FGD4: variants seen among roughly 807,000 people sequenced by gnomAD.
FGD4 encodes FYVE, RhoGEF and PH domain-containing protein 4.
FGD4 carries 42 observed loss-of-function variants against 102.0 expected under a neutral mutation model. The ratio of observed to expected loss-of-function variants is 0.41; its 90% CI spans 0.32 to 0.53. The LOEUF is 0.53. Among genes scored for constraint, FGD4 ranks in the 20% least tolerant of loss-of-function variants. The probability of loss-of-function intolerance (pLI) is 0.21; values close to 1 mark genes in which losing one functional copy is unlikely to be tolerated. For synonymous variants in FGD4, 380 were observed against 375.7 expected (o/e 1.01, Z -0.13); for missense variants, 902 against 1,078.2 (o/e 0.84, Z 2.29).
intron 1 of FGD4, among the ~76,000 whole-genome samples, chr12:32,503,850 T>A (rs1007786869): frequency 2.0e-5 from 3 of 152,180 alleles, no homozygotes; most frequent in African/African-American, 7.2e-5. Flanking sequence ...TATGATTATG[T>A]GTTCATGTTG....
chr12:32,624,052 T>C (rs1950002418), intron 11 of FGD4, among the ~76,000 whole-genome samples: 1 of 152,222 alleles, frequency 6.6e-6, no homozygotes, highest in Admixed American at 6.5e-5. Flanking sequence ...GGGCTGTGAA[T>C]AGTAGCCTTT....
chr12:32,461,644 A>G (rs1943106379), intron 1 of FGD4, among the ~76,000 whole-genome samples: 1 of 152,196 alleles, frequency 6.6e-6, no homozygotes, highest in Admixed American at 6.5e-5. Flanking sequence ...TTTTAAAAAT[A>G]TAAGTCTCTG....
intron 1 of FGD4, among the ~76,000 whole-genome samples, chr12:32,497,307 T>TA (rs55844410): frequency 0.18 from 28,108 of 152,166 alleles, 3,203 homozygotes; most frequent in Middle Eastern, 0.35. Context: ...ATCTTCCTTA[T>TA]AAAGTACTCT....
At chr12:32,565,230 T>C (rs1945089205) in intron 2 of FGD4, among the ~76,000 whole-genome samples, 1 of 152,216 alleles carries the variant, frequency 6.6e-6, no homozygotes, top group South Asian at 2.1e-4. Flanking sequence ...AAGAAAATTT[T>C]AGAACGAGTT....
intron 1 of FGD4, among the ~76,000 whole-genome samples, chr12:32,453,677 G>A (rs974332538): frequency 6.6e-6 from 1 of 152,032 alleles, no homozygotes; most frequent in African/African-American, 2.4e-5. Flanking sequence ...CCTAACTTGG[G>A]CTCATTGTTT....
At chr12:32,403,679 C>T (rs1300836334) in intron 1 of FGD4, among the ~76,000 whole-genome samples, 3 of 144,640 alleles carry the variant, frequency 2.1e-5, no homozygotes, top group Non-Finnish European at 3.0e-5. Flanking sequence ...TCACTGCAAC[C>T]TCCGCCATCT....
intron 1 of FGD4, among the ~76,000 whole-genome samples, chr12:32,484,410 A>G (rs1173593777): frequency 6.6e-6 from 1 of 152,198 alleles, no homozygotes; most frequent in Non-Finnish European, 1.5e-5. Context: ...TAATTTTAAG[A>G]AGTGATGTTA....
intron 1 of FGD4, among the ~76,000 whole-genome samples, chr12:32,550,368 T>C (rs1943551918): frequency 6.6e-6 from 1 of 152,084 alleles, no homozygotes; most frequent in Non-Finnish European, 1.5e-5. Flanking sequence ...AATCATACAC[T>C]GAGTTTTTAA....
At chr12:32,565,293 T>C (rs558473228) in intron 2 of FGD4, among the ~76,000 whole-genome samples, 2 of 152,324 alleles carry the variant, frequency 1.3e-5, no homozygotes, top group South Asian at 2.1e-4. Context: ...ACTACAATTA[T>C]ATTTGTGGTG....
At chr12:32,570,018 G>A (rs562661505) in intron 2 of FGD4, among the ~76,000 whole-genome samples, 3 of 152,088 alleles carry the variant, frequency 2.0e-5, no homozygotes, top group South Asian at 2.1e-4. Flanking sequence ...CGAGGTGGGC[G>A]GATCACGAGG....
intron 16 of FGD4, 100 bp downstream of exon 16, chr12:32,638,895 G>GT (rs1951003431): frequency 7.0e-6 from 11 of 1,569,320 alleles, no homozygotes; most frequent in African/African-American, 1.4e-5. Flanking sequence ...AGTTCAGGCA[G>GT]TTTCACTGTT....
chr12:32,487,628 T>C (rs1257757721), intron 1 of FGD4, among the ~76,000 whole-genome samples: 1 of 152,198 alleles, frequency 6.6e-6, no homozygotes, highest in East Asian at 1.9e-4. Flanking sequence ...GGTTTTGCCA[T>C]GTTGGCCAGG....
intron 1 of FGD4, among the ~76,000 whole-genome samples, chr12:32,467,024 T>G (rs533106736): frequency 6.6e-6 from 1 of 152,238 alleles, no homozygotes; most frequent in African/African-American, 2.4e-5. Flanking sequence ...GCACATATAT[T>G]TTATTAGGTA....
In FGD4 at chr12:32,602,231, G is replaced by A. The variant is rs1026588328; in HGVS notation, c.1318G>A (p.Val440Met). The A allele has an allele frequency of 1.2e-6, 2 of 1,614,002 alleles. No homozygotes were observed. The highest frequency in any genetic ancestry group is 2.7e-5 in the African/African-American group (2 of 74,934). ...ATTCCTTAAGATGTATGGAGAATAT[G>A]TGAAAGGATTTGATAATGCAATGGA... ...APFLKMYGEY[V>M]KGFDNAMELV... is the part of the protein sequence containing the mutation. Residue 440 changes from valine (V) to methionine (M), a missense_variant, in exon 7 of 17, where the codon GTG becomes ATG. Around this residue, in one of 2 missense-constraint regions of FGD4, gnomAD observed 459 missense variants for 619.0 expected, o/e 0.74. Coordinates refer to ENST00000534526, the MANE Select transcript of FGD4 (RefSeq NM_001370298.3).
chr12:32,564,403 T>G, intron 2 of FGD4, 114 bp downstream of exon 2: 18 of 1,215,826 alleles, frequency 1.5e-5, no homozygotes, highest in East Asian at 2.6e-5. Context: ...AGGAATTGGG[T>G]ACATTATTTT....
chr12:32,590,041 C>G (rs1199680449), intron 4 of FGD4, among the ~76,000 whole-genome samples: 1 of 152,096 alleles, frequency 6.6e-6, no homozygotes, highest in Non-Finnish European at 1.5e-5. Flanking sequence ...GGCGCGGTGG[C>G]TTATGCCTGA....
intron 1 of FGD4, among the ~76,000 whole-genome samples, chr12:32,432,274 A>T (rs569960215): frequency 8.0e-5 from 12 of 150,562 alleles, no homozygotes; most frequent in African/African-American, 2.9e-4. Flanking sequence ...GTTAGCCAGG[A>T]TGGTCTTGAT....
At chr12:32,428,654 A>AGT (rs1212351808) in intron 1 of FGD4, among the ~76,000 whole-genome samples, 2 of 152,102 alleles carry the variant, frequency 1.3e-5, no homozygotes, top group East Asian at 3.9e-4. Context: ...TATCCTGAAG[A>AGT]GTGTTTTTCA....
In FGD4 at chr12:32,598,425, G is replaced by C. The variant is rs76640537; in HGVS notation, c.1012-72G>C. ...AACTGTTTTGATCAAATCATTTGAAGAAGCGTTTTTTACTTTAGAAATATT... is the reference window on the plus strand; with the variant it reads ...AACTGTTTTGATCAAATCATTTGAACAAGCGTTTTTTACTTTAGAAATATT... On this transcript the variant is annotated intron_variant, in intron 4 of 16. Transcript: ENST00000534526. The C allele has an allele frequency of 1.4e-3, 1,499 of 1,037,268 alleles. 13 individuals are homozygous for C. In the African/African-American group the frequency reaches 0.015, roughly 10 times the overall value. The allele number at this position is 1,037,268 out of a possible 1,614,324, so 64.3% of individuals were successfully genotyped here.
Sources: allele counts gnomAD v4.1 joint callset (sites outside exome capture counted in the v4.1 genomes callset), GRCh38; gene constraint gnomAD v4.1.1; regional missense constraint gnomAD v4.1.1; transcripts MANE v1.5; gene names NCBI Gene and HGNC (gene_info 2026-07-23, HGNC 2026-07-21).